PXDN: variants seen among roughly 807,000 people sequenced by gnomAD.
PXDN encodes peroxidasin, also known as peroxidasin homolog.
PXDN carries 77 observed loss-of-function variants against 140.3 expected under a neutral mutation model. That is an observed-to-expected ratio of 0.55 (90% CI 0.46 to 0.66). PXDN has a LOEUF of 0.66. PXDN is among the 30% of genes least tolerant of loss of function. The pLI is 0.00. For missense variants in PXDN, 1,838 were observed against 2,039.5 expected, an observed-to-expected ratio of 0.90 and a Z score of 1.90; for synonymous variants, 911 against 857.4, an observed-to-expected ratio of 1.06 and a Z score of -1.09.
chr2:1,666,098 G>GTGA (rs1683428142), intron 10 of PXDN, 116 bp downstream of exon 10: 1 of 1,373,460 alleles, frequency 7.3e-7, no homozygotes, highest in Non-Finnish European at 9.9e-7. Context: ...AATCAACCGA[G>GTGA]TGAAGTGGAC....
intron 1 of PXDN, among the ~76,000 whole-genome samples, chr2:1,730,430 T>C (rs901167986): frequency 7.9e-5 from 12 of 152,036 alleles, no homozygotes; most frequent in South Asian, 2.1e-4. Context: ...AGTTGAGGGG[T>C]CCTGGGAGAG....
intron 7 of PXDN, among the ~76,000 whole-genome samples, chr2:1,677,563 C>T (rs1020423246): frequency 3.9e-5 from 6 of 152,210 alleles, no homozygotes; most frequent in African/African-American, 1.4e-4. Flanking sequence ...GGGAGAATGG[C>T]CTCTCCTGCC....
chr2:1,702,305 C>A (rs1344947312), intron 1 of PXDN, among the ~76,000 whole-genome samples: 3 of 152,204 alleles, frequency 2.0e-5, no homozygotes, highest in African/African-American at 7.2e-5. Context: ...GCCACCCCCC[C>A]AACCCCGGCA....
chr2:1,656,088 C>T (rs962281158), intron 14 of PXDN, among the ~76,000 whole-genome samples: 23 of 151,872 alleles, frequency 1.5e-4, no homozygotes, highest in Admixed American at 1.3e-3. Flanking sequence ...CACACAGACA[C>T]ACCACACAAC....
intron 1 of PXDN, among the ~76,000 whole-genome samples, chr2:1,707,659 A>C (rs964627859): frequency 3.9e-5 from 6 of 152,232 alleles, no homozygotes; most frequent in African/African-American, 1.4e-4. Context: ...TCAAAGACGC[A>C]ATAACTACAC....
intron 11 of PXDN, 71 bp from the exon 12 acceptor site, chr2:1,663,834 A>G (rs2125425726): frequency 6.4e-7 from 1 of 1,561,386 alleles, no homozygotes; most frequent in East Asian, 2.3e-5. Context: ...GACTGACAGC[A>G]TGACCACAGA....
chr2:1,642,834 C>T (rs1400654784), intron 19 of PXDN, among the ~76,000 whole-genome samples: 1 of 152,204 alleles, frequency 6.6e-6, no homozygotes, highest in African/African-American at 2.4e-5. Flanking sequence ...GGATTGATAT[C>T]AGGGCGTCCC....
rs529850992 is a variant in PXDN at position 1,675,546 on chromosome 2, G to A, written c.848+1381C>T. ...ACTGCACCTTACAGGCTCCTTGTCC[G>A]GCACTGCAGCCAAGGTCAATATGAC... is the stretch of plus-strand genomic sequence containing the variant. On this transcript the variant is annotated intron_variant, in intron 8 of 22. Transcript: ENST00000252804. Among the ~76,000 whole-genome samples the A allele has an allele frequency of 3.0e-4, 46 of 152,220 alleles. No homozygotes were observed. In the Middle Eastern group the frequency reaches 0.02, roughly 68 times the overall value.
At position 1,714,566 on chromosome 2, in the gene PXDN, G is replaced by A. The variant is rs1479603491; in HGVS notation, c.201-21432C>T. Among the ~76,000 whole-genome samples the A allele has an allele frequency of 1.3e-5, 2 of 152,124 alleles. No individual in the cohort carries two copies. The highest frequency in any genetic ancestry group is 4.8e-5 in the African/African-American group (2 of 41,442). On this transcript the variant is annotated intron_variant, in intron 1 of 22. Transcript: ENST00000252804. This position sits in a 1 kb window ranked among gnomAD's most constrained non-coding sequence, Gnocchi z 4.3. ...GTGCATTCCCTGAAAGGCCAGGTGG[G>A]GACATCTTTGCTTGAGGTGCAGATC...
chr2:1,637,256 C>A (rs1038970923), intron 21 of PXDN, among the ~76,000 whole-genome samples: 1 of 152,202 alleles, frequency 6.6e-6, no homozygotes, highest in East Asian at 1.9e-4. Context: ...AGCACGGACC[C>A]CAAGGGTCAG....
chr2:1,635,368 G>T, intron 22 of PXDN, 40 bp downstream of exon 22: 1 of 1,517,746 alleles, frequency 6.6e-7, no homozygotes, highest in Non-Finnish European at 9.0e-7. Context: ...TCGGACTTGC[G>T]TATACCTTAG....
intron 14 of PXDN, among the ~76,000 whole-genome samples, chr2:1,659,278 A>T (rs1292903127): frequency 6.6e-6 from 1 of 152,374 alleles, no homozygotes; most frequent in African/African-American, 2.4e-5. Context: ...GTATGTATAC[A>T]TGGACAACTC....
rs1683011716 is a variant in PXDN, at chr2:1,651,437, T to C, written c.2105-1762A>G. ...GCAGAGTGGTCACCCAGCCCGATGC[T>C]TGAAAATGCATCAAACCATGTTGCT... On this transcript the variant is annotated intron_variant, in intron 16 of 22. Coordinates refer to ENST00000252804, the MANE Select transcript of PXDN (RefSeq NM_012293.3). The surrounding 1 kb of genome is among the most constrained non-coding windows in gnomAD (Gnocchi z 4.4). Among the ~76,000 whole-genome samples the C allele has an allele frequency of 6.6e-6, 1 of 152,198 alleles. No individual in the cohort carries two copies. Among genetic ancestry groups the C allele is most frequent in the South Asian group, 2.1e-4 (1 of 4,822 alleles).
rs7571612 is a variant in PXDN, at chr2:1,654,071, C to T, written c.1947-286G>A. The T allele has an allele frequency of 5.1e-3, 2,467 of 488,328 alleles. 45 individuals carry two copies. Among genetic ancestry groups the T allele is most frequent in the African/African-American group, 0.041 (2,104 of 51,888 alleles). The allele number at this position is 488,328 out of a possible 1,614,324, so 30.2% of individuals were successfully genotyped here. A position where few individuals can be genotyped will look rare whatever the true frequency, so the allele number is the denominator to read the frequency against. ...AGAAAAACTGCTTTGGAATCAGCAA[C>T]GTGAACAAATACACTAATGACTTTT... On this transcript the variant is annotated intron_variant, in intron 15 of 22. Coordinates refer to ENST00000252804, the MANE Select transcript of PXDN (RefSeq NM_012293.3).
chr2:1,700,803 A>G (rs1269178127), intron 1 of PXDN, among the ~76,000 whole-genome samples: 1 of 152,162 alleles, frequency 6.6e-6, no homozygotes, highest in Non-Finnish European at 1.5e-5. Context: ...TGAACCCGGA[A>G]GGCAGAGGTT....
chr2:1,742,537 T>C (rs1017508817), intron 1 of PXDN, among the ~76,000 whole-genome samples: 3 of 152,234 alleles, frequency 2.0e-5, no homozygotes, highest in Non-Finnish European at 4.4e-5. Context: ...CGACACTTAT[T>C]TTAACATGTT....
intron 1 of PXDN, among the ~76,000 whole-genome samples, chr2:1,718,048 C>A (rs1409021232): frequency 6.6e-6 from 1 of 151,736 alleles, no homozygotes; most frequent in Non-Finnish European, 1.5e-5. Context: ...TACTAACCAA[C>A]TACCCAAACC....
chr2:1,657,430 C>T (rs1683171014), intron 14 of PXDN, among the ~76,000 whole-genome samples: 1 of 151,600 alleles, frequency 6.6e-6, no homozygotes, highest in Admixed American at 6.6e-5. Flanking sequence ...CTAACTGAAA[C>T]CTGCCGCCTC....
Position 1,680,213 on chromosome 2 carries a change from G to A in PXDN, c.710C>T (p.Thr237Ile), listed in dbSNP as rs1338527723. 2 of 1,587,242 alleles carry A rather than the reference G, an allele frequency of 1.3e-6. No homozygotes were observed. Among genetic ancestry groups the A allele is most frequent in the East Asian group, 2.3e-5 (1 of 43,304 alleles). The change falls in exon 7 of 23, where the codon ACC becomes ATC. Residue 237 changes from threonine (T) to isoleucine (I), a missense_variant. This residue lies in a region of PXDN where 208 missense variants were observed against 325.8 expected (regional missense o/e 0.64). Coordinates refer to ENST00000252804, the MANE Select transcript of PXDN (RefSeq NM_012293.3). ...RIQGRSVATI[T>I]PEELNCERPR... is the part of the protein sequence containing the mutation. ...CTCACCACAGTTCAGCTCTTCCGGG[G>A]TGATGGTTGCCACTGAGCGTCCCTG...
Sources: gnomAD v4.1 joint callset for allele counts (sites outside exome capture counted in the v4.1 genomes callset) on GRCh38, gnomAD v4.1.1 for gene constraint, gnomAD v4.1.1 regional missense constraint, Gnocchi (gnomAD v3.1) non-coding constraint, MANE v1.5 for transcripts, NCBI Gene and HGNC (gene_info 2026-07-23, HGNC 2026-07-21) for gene names.